SORCS3: variants seen among roughly 807,000 people sequenced by gnomAD.
The protein encoded by SORCS3 is sortilin related VPS10 domain containing receptor 3, also known as VPS10 domain-containing receptor SorCS3.
SORCS3 carries 57 observed loss-of-function variants against 146.3 expected under a neutral mutation model. The observed-to-expected ratio is 0.39, with a 90% CI of 0.31 to 0.49. The LOEUF (loss-of-function observed/expected upper bound fraction) is 0.49, where lower values mean the gene tolerates loss of function less well. Ranked by LOEUF, SORCS3 falls within the 20% of genes least tolerant of loss-of-function variation. The pLI is 0.92. For synonymous variants in SORCS3, 653 were observed against 618.5 expected (o/e 1.06, Z -0.83); for missense variants, 1,341 against 1,575.5 (o/e 0.85, Z 2.52).
chr10:104,940,580 T>C (rs189506151), intron 3 of SORCS3, among the ~76,000 whole-genome samples: 26 of 152,138 alleles, frequency 1.7e-4, no homozygotes, highest in African/African-American at 6.3e-4. Context: ...AATTCATCAC[T>C]TTTTATGGCT....
chr10:105,032,096 G>A (rs2055271853), intron 4 of SORCS3, among the ~76,000 whole-genome samples: 1 of 152,154 alleles, frequency 6.6e-6, no homozygotes, highest in South Asian at 2.1e-4. Context: ...GGAGGCTGAG[G>A]CAGGAGAACC....
chr10:104,953,647 A>G (rs1034847788), intron 3 of SORCS3, among the ~76,000 whole-genome samples: 3 of 152,202 alleles, frequency 2.0e-5, no homozygotes, highest in Non-Finnish European at 4.4e-5. Context: ...CATGTCCTCC[A>G]CTGTGTGTTG....
At chr10:104,803,525 A>C (rs2017647803) in intron 1 of SORCS3, among the ~76,000 whole-genome samples, 1 of 152,292 alleles carries the variant, frequency 6.6e-6, no homozygotes, top group African/African-American at 2.4e-5. Context: ...GGGTTTTCAC[A>C]TAACTTTCCC....
chr10:104,775,472 GTGA>G (rs1275150261), intron 1 of SORCS3, among the ~76,000 whole-genome samples: 4 of 152,202 alleles, frequency 2.6e-5, no homozygotes, highest in African/African-American at 9.7e-5. Context: ...CAGACACCCA[GTGA>G]TGATGATCAG....
chr10:104,759,931 A>T (rs1301496161), intron 1 of SORCS3, among the ~76,000 whole-genome samples: 1 of 152,176 alleles, frequency 6.6e-6, no homozygotes, highest in Non-Finnish European at 1.5e-5. Flanking sequence ...CAGATTCTGG[A>T]AGGTTCTAGA....
At chr10:105,163,409 G>A (rs2056283487) in intron 11 of SORCS3, among the ~76,000 whole-genome samples, 2 of 152,270 alleles carry the variant, frequency 1.3e-5, no homozygotes, top group South Asian at 4.2e-4. Flanking sequence ...CTGGTTGTCA[G>A]AACTTCCTCA....
chr10:104,835,945 G>A (rs544236174), intron 1 of SORCS3, among the ~76,000 whole-genome samples: 1 of 152,272 alleles, frequency 6.6e-6, no homozygotes, highest in Admixed American at 6.5e-5. Flanking sequence ...CCCCATTTTA[G>A]TAAAACACAG....
rs2056981759 is a variant in SORCS3 at position 105,264,756 on chromosome 10, C to T, written c.*1382C>T. ...CAAAGCCTTTTAGCTTTTCCAGCAC[C>T]TCAGCCCCTTCACACATTTACACAT... On this transcript the variant is annotated 3_prime_UTR_variant, in exon 27 of 27. Transcript: ENST00000369701. 6.5e-6 allele frequency: 1 copy of T among 152,768 alleles called. No individual in the cohort carries two copies. The highest frequency in any genetic ancestry group is 1.5e-5 in the Non-Finnish European group (1 of 68,042). The allele number at this position is 152,768 out of a possible 1,614,324, so 9.5% of individuals were successfully genotyped here.
chr10:104,791,444 T>C (rs2017494655), intron 1 of SORCS3, among the ~76,000 whole-genome samples: 1 of 152,192 alleles, frequency 6.6e-6, no homozygotes, highest in African/African-American at 2.4e-5. Context: ...AAGTAAGATA[T>C]TGCCTGTGTT....
At chr10:104,772,966 T>C (rs546371270) in intron 1 of SORCS3, among the ~76,000 whole-genome samples, 6 of 152,296 alleles carry the variant, frequency 3.9e-5, no homozygotes, top group African/African-American at 1.4e-4. Context: ...CAGTAAACCA[T>C]TACCAATAAT....
intron 1 of SORCS3, among the ~76,000 whole-genome samples, chr10:104,656,434 A>G (rs2015631540): frequency 6.6e-6 from 1 of 152,002 alleles, no homozygotes; most frequent in African/African-American, 2.4e-5. Context: ...AGGAAGGGAG[A>G]TCCCCTGAGC....
At chr10:104,754,863 C>T (rs1452583163) in intron 1 of SORCS3, among the ~76,000 whole-genome samples, 3 of 152,174 alleles carry the variant, frequency 2.0e-5, no homozygotes, top group Non-Finnish European at 4.4e-5. Flanking sequence ...TAGAGGATGG[C>T]AATTTGAACC....
chr10:105,214,020 G>T (rs1038263822), intron 17 of SORCS3, among the ~76,000 whole-genome samples: 1 of 152,116 alleles, frequency 6.6e-6, no homozygotes, highest in Non-Finnish European at 1.5e-5. Context: ...CTGCTTTCTG[G>T]TACAGAGAAA....
At chr10:104,963,779 A>G (rs1164944377) in intron 3 of SORCS3, among the ~76,000 whole-genome samples, 3 of 152,168 alleles carry the variant, frequency 2.0e-5, no homozygotes, top group Admixed American at 1.3e-4. Flanking sequence ...TTTTCTATCC[A>G]TAAGTGTTAA....
intron 1 of SORCS3, among the ~76,000 whole-genome samples, chr10:104,802,333 G>T (rs140270619): frequency 0.014 from 2,161 of 152,258 alleles, 32 homozygotes; most frequent in African/African-American, 0.037. Flanking sequence ...ACAAAGATGA[G>T]ATTTTATAGG....
intron 1 of SORCS3, among the ~76,000 whole-genome samples, chr10:104,793,203 T>C (rs2017514496): frequency 6.6e-6 from 1 of 152,172 alleles, no homozygotes; most frequent in Non-Finnish European, 1.5e-5. Context: ...CTCTGTAAAA[T>C]ACACAGACTC....
At chr10:105,046,642 C>T (rs1454521996) in intron 5 of SORCS3, among the ~76,000 whole-genome samples, 1 of 152,038 alleles carries the variant, frequency 6.6e-6, no homozygotes, top group Non-Finnish European at 1.5e-5. Flanking sequence ...AGGCAGAGCA[C>T]GGAACATAAT....
At chr10:105,235,141 A>T (rs142384995) in intron 20 of SORCS3, among the ~76,000 whole-genome samples, 9 of 152,096 alleles carry the variant, frequency 5.9e-5, no homozygotes, top group Non-Finnish European at 1.2e-4. Flanking sequence ...GTTCTCCCAC[A>T]TGGAAGGATA....
chr10:104,815,656 A>T (rs186768177), intron 1 of SORCS3, among the ~76,000 whole-genome samples: 89 of 151,842 alleles, frequency 5.9e-4, no homozygotes, highest in Non-Finnish European at 1.1e-3. Flanking sequence ...ACAATGACAT[A>T]CTAAATAGAC....
Sources: allele counts gnomAD v4.1 joint callset (sites outside exome capture counted in the v4.1 genomes callset), GRCh38; gene constraint gnomAD v4.1.1; transcripts MANE v1.5; gene names NCBI Gene and HGNC (gene_info 2026-07-23, HGNC 2026-07-21).